The following KCNK10 variants were observed in gnomAD, a reference collection of about 807,000 sequenced individuals.
The protein encoded by KCNK10 is potassium two pore domain channel subfamily K member 10, also known as potassium channel subfamily K member 10.
KCNK10 carries 25 observed loss-of-function variants against 47.7 expected under a neutral mutation model. That is an observed-to-expected ratio of 0.52 (90% confidence interval 0.38 to 0.73). The LOEUF is 0.73. Ranked by LOEUF, KCNK10 falls within the 30% of genes least tolerant of loss-of-function variation. The pLI, the probability that KCNK10 is intolerant of heterozygous loss-of-function variation, is 0.00. For missense variants in KCNK10, 563 were observed against 714.5 expected, an observed-to-expected ratio of 0.79 and a Z score of 2.42; for synonymous variants, 303 against 285.6, an observed-to-expected ratio of 1.06 and a Z score of -0.61.
At chr14:88,191,825 A>G (rs538686060) in intron 5 of KCNK10, among the ~76,000 whole-genome samples, 12 of 152,350 alleles carry the variant, frequency 7.9e-5, no homozygotes, top group South Asian at 2.1e-4. Flanking sequence ...CTGAACCTGC[A>G]GGTCACTGCA....
chr14:88,185,840 C>T lies in KCNK10; in HGVS notation c.1327G>A (p.Ala443Thr). The T allele has an allele frequency of 6.2e-7, 1 of 1,614,184 alleles. No individual in the cohort carries two copies. The highest frequency in any genetic ancestry group is 8.5e-7 in the Non-Finnish European group (1 of 1,180,024). ...PEQLNKHGQG[A>T]SEDNIINKFG... ...TTGTTGATGATGTTGTCCTCGGACG[C>T]ACCCTGCCCATGCTTGTTCAGCTGC... The change falls in exon 7 of 7, where the codon GCG becomes ACG. Residue 443 changes from alanine (A) to threonine (T), a missense_variant. Transcript: ENST00000319231. The surrounding 1 kb of genome is among the most constrained non-coding windows in gnomAD (Gnocchi z 4.3).
chr14:88,269,164 C>T (rs1887345139), intron 1 of KCNK10, among the ~76,000 whole-genome samples: 1 of 152,184 alleles, frequency 6.6e-6, no homozygotes, highest in African/African-American at 2.4e-5. Flanking sequence ...GCACATATTT[C>T]ATTTTCACCT....
chr14:88,246,832 A>G (rs1886656427), intron 2 of KCNK10, among the ~76,000 whole-genome samples: 1 of 152,244 alleles, frequency 6.6e-6, no homozygotes, highest in Non-Finnish European at 1.5e-5. Context: ...GAGGACTAAT[A>G]CCTTCCATAC....
At chr14:88,246,327 A>G (rs1566700809) in intron 2 of KCNK10, among the ~76,000 whole-genome samples, 1 of 150,996 alleles carries the variant, frequency 6.6e-6, no homozygotes, top group East Asian at 2.0e-4. Flanking sequence ...GAGGAAAGCC[A>G]CAAACTCTGT....
At chr14:88,268,069 G>T (rs1887312197) in intron 1 of KCNK10, among the ~76,000 whole-genome samples, 1 of 152,178 alleles carries the variant, frequency 6.6e-6, no homozygotes, top group Non-Finnish European at 1.5e-5. Flanking sequence ...AAATGATAGG[G>T]AGTTGGGGAG....
chr14:88,278,098 T>C (rs1887566039), intron 1 of KCNK10, among the ~76,000 whole-genome samples: 1 of 152,080 alleles, frequency 6.6e-6, no homozygotes, highest in African/African-American at 2.4e-5. Flanking sequence ...AATGGATGAG[T>C]TGGGTGAGAG....
chr14:88,232,677 G>A (rs1886188609), intron 3 of KCNK10, among the ~76,000 whole-genome samples: 2 of 152,286 alleles, frequency 1.3e-5, no homozygotes, highest in Middle Eastern at 6.8e-3. Context: ...AGAAAATTGT[G>A]TTTTCTAAAT....
At chr14:88,249,985 G>A (rs993109361) in intron 2 of KCNK10, among the ~76,000 whole-genome samples, 4 of 152,050 alleles carry the variant, frequency 2.6e-5, no homozygotes, top group Admixed American at 1.3e-4. Flanking sequence ...TTGTAGGAAC[G>A]AGACACCATC....
At chr14:88,295,462 C>G (rs959847445) in intron 1 of KCNK10, among the ~76,000 whole-genome samples, 2 of 152,104 alleles carry the variant, frequency 1.3e-5, no homozygotes, top group Non-Finnish European at 2.9e-5. Flanking sequence ...GAGTTTGAGA[C>G]CAGCCTGGCC....
At chr14:88,300,542 T>G (rs1215424942) in intron 1 of KCNK10, among the ~76,000 whole-genome samples, 1 of 152,158 alleles carries the variant, frequency 6.6e-6, no homozygotes, top group African/African-American at 2.4e-5. Flanking sequence ...CAGAAAACAT[T>G]TAACACTGGG....
chr14:88,243,237 C>T (rs1886531982), intron 2 of KCNK10, among the ~76,000 whole-genome samples: 1 of 152,208 alleles, frequency 6.6e-6, no homozygotes, highest in South Asian at 2.1e-4. Flanking sequence ...GCACTAGAAG[C>T]GTCATTCTGT....
intron 2 of KCNK10, among the ~76,000 whole-genome samples, chr14:88,241,127 T>G (rs978899227): frequency 6.6e-6 from 1 of 152,218 alleles, no homozygotes; most frequent in African/African-American, 2.4e-5. Context: ...TCTGTGCATA[T>G]ACACACACAA....
intron 1 of KCNK10, among the ~76,000 whole-genome samples, chr14:88,317,978 A>C (rs911672626): frequency 2.0e-5 from 3 of 152,196 alleles, no homozygotes; most frequent in African/African-American, 7.2e-5. Flanking sequence ...TTTATTGGAC[A>C]CTGACCATAT....
rs113759093 is a variant in KCNK10, at chr14:88,224,754, C to T, written c.681+2621G>A. Among the ~76,000 whole-genome samples, 680 of 152,276 alleles carry T rather than the reference C, an allele frequency of 4.5e-3. 11 individuals carry two copies. The highest frequency in any genetic ancestry group is 0.016 in the African/African-American group (659 of 41,548). On this transcript the variant is annotated intron_variant, in intron 4 of 6. Transcript: ENST00000319231. ...CCTCCCAAGTAGCTGGGATTACAGG[C>T]ATGCACCACCGTGCCCTGCAAATTT...
At chr14:88,315,028 T>G (rs922710256) in intron 1 of KCNK10, among the ~76,000 whole-genome samples, 1 of 152,170 alleles carries the variant, frequency 6.6e-6, no homozygotes, top group Non-Finnish European at 1.5e-5. Flanking sequence ...ACTCCCTCCT[T>G]TTCTAAATGA....
At chr14:88,201,623 GCACTCCAT>G (rs1247525073) in intron 4 of KCNK10, among the ~76,000 whole-genome samples, 6 of 151,780 alleles carry the variant, frequency 4.0e-5, no homozygotes, top group African/African-American at 9.7e-5. Flanking sequence ...TCATGTAACT[GCACTCCAT>G]CCTGGGCAAC....
In KCNK10 at chr14:88,184,859, T is replaced by A. The variant is rs1307968013; in HGVS notation, c.*676A>T. The stretch of plus-strand genomic sequence containing the variant: ...AAACTCAGCAGGCTTCTGTCATTGG[T>A]TAAGGTGATATCCACAGTGTGATGT... On this transcript the variant is annotated 3_prime_UTR_variant, in exon 7 of 7. Coordinates refer to ENST00000319231, the MANE Select transcript of KCNK10 (RefSeq NM_138317.3). The A allele has an allele frequency of 6.6e-6, 1 of 152,508 alleles. No individual in the cohort carries two copies. Among genetic ancestry groups the A allele is most frequent in the Non-Finnish European group, 1.5e-5 (1 of 68,068 alleles). The allele number at this position is 152,508 out of a possible 1,614,324, so 9.4% of individuals were successfully genotyped here. A position where few individuals can be genotyped will look rare whatever the true frequency, so the allele number is the denominator to read the frequency against.
At chr14:88,235,836 T>G (rs1057139193) in intron 3 of KCNK10, among the ~76,000 whole-genome samples, 1 of 152,102 alleles carries the variant, frequency 6.6e-6, no homozygotes, top group Admixed American at 6.6e-5. Context: ...CAAGAAAACT[T>G]TAATGCAATA....
chr14:88,268,936 G>C (rs533905700), intron 1 of KCNK10, among the ~76,000 whole-genome samples: 4 of 152,114 alleles, frequency 2.6e-5, no homozygotes, highest in Non-Finnish European at 5.9e-5. Flanking sequence ...CTGGGAGTTC[G>C]AGACCAACCT....
Sources: allele counts gnomAD v4.1 joint callset (sites outside exome capture counted in the v4.1 genomes callset), GRCh38; gene constraint gnomAD v4.1.1; non-coding constraint Gnocchi (gnomAD v3.1); transcripts MANE v1.5; gene names NCBI Gene and HGNC (gene_info 2026-07-23, HGNC 2026-07-21).